Variants in TSPAN6 observed in about 807,000 individuals in gnomAD.
The protein encoded by TSPAN6 is tetraspanin-6.
Under a neutral mutation model 18.0 loss-of-function variants are expected in TSPAN6, and 13 were observed. The ratio of observed to expected loss-of-function variants is 0.72; its 90% CI spans 0.47 to 1.15. The LOEUF is 1.15. TSPAN6 is among the 50% of genes most tolerant of loss of function. The probability of loss-of-function intolerance (pLI) is 0.00; values close to 1 mark genes in which losing one functional copy is unlikely to be tolerated. For synonymous variants in TSPAN6, 82 were observed against 67.0 expected (o/e 1.22, Z -1.09); for missense variants, 186 against 183.9 (o/e 1.01, Z -0.07).
At position 100,633,940 on chromosome X, in the gene TSPAN6, G is replaced by A. The variant is rs1196071280; in HGVS notation, c.441C>T (p.Ile147=). 1 of 1,194,084 alleles carries A rather than the reference G, an allele frequency of 8.4e-7. No homozygotes were observed. The highest frequency in any genetic ancestry group is 2.2e-5 in the Admixed American group (1 of 45,409). The change falls in exon 4 of 8, where the codon ATC becomes ATT. Residue 147 remains isoleucine (I), a synonymous_variant. Coordinates refer to ENST00000373020, the MANE Select transcript of TSPAN6 (RefSeq NM_003270.4). The stretch of plus-strand genomic sequence containing the variant: ...GGTGGTTACCACTTACCGTATTTTG[G>A]ATCTTGTCTACTGCATGGCTTCTAT... The part of the protein sequence containing the change: ...GDYRSHAVDK[I]QNTLHCCGVT...
At chrX:100,633,297 C>G (rs761215689) in intron 5 of TSPAN6, 108 bp downstream of exon 5, 6 of 804,663 alleles carry the variant, frequency 7.5e-6, no homozygotes, top group African/African-American at 2.1e-5. Flanking sequence ...CCAGCCTGGG[C>G]GACAGAGCAA....
Position 100,633,446 on chromosome X carries a change from C to T in TSPAN6, c.544G>A (p.Asp182Asn), listed in dbSNP as rs2083073759. 8.3e-7 allele frequency: 1 copy of T among 1,207,698 alleles called. No homozygotes were observed. Among genetic ancestry groups the T allele is most frequent in the Admixed American group, 2.2e-5 (1 of 45,658 alleles). The change falls in exon 5 of 8, where the codon GAT becomes AAT. Residue 182 changes from aspartate to asparagine, a missense_variant. Physicochemically the swap from Asp to Asn is conservative, Grantham distance 23. Transcript: ENST00000373020. The part of the protein sequence containing the change: ...GFPKSCCKLE[D>N]CTPQRDADKV... The stretch of plus-strand genomic sequence containing the variant: ...TCTGCATCTCTCTGTGGAGTACAAT[C>T]TTCAAGTTTACAGCAACTCTTAGGA...
chrX:100,633,980 T>A lies in TSPAN6; in HGVS notation c.401A>T (p.Asn134Ile). The change falls in exon 4 of 8, where the codon AAC (asparagine) becomes ATC (isoleucine). Residue 134 changes from asparagine to isoleucine, a missense_variant. Coordinates refer to ENST00000373020, the MANE Select transcript of TSPAN6 (RefSeq NM_003270.4). Reference protein sequence around the residue: ...NNYEKALKQYNSTGDYRSHAV... With the variant: ...NNYEKALKQYISTGDYRSHAV... ...ATGGCTTCTATAATCTCCTGTAGAG[T>A]TATACTGCTTCAAAGCCTTCTCATA... 1 of 1,204,747 alleles carries A rather than the reference T, an allele frequency of 8.3e-7. No individual in the cohort carries two copies. Among genetic ancestry groups the A allele is most frequent in the Non-Finnish European group, 1.1e-6 (1 of 891,089 alleles).
chrX:100,627,333 G>T lies in TSPAN6; in HGVS notation c.*2693C>A, dbSNP rs955642840. Reference sequence around the variant, plus strand: ...TCAAAAATGAATTATTTTAAACATAGATATATAGTGAAGTAAAATGTAAAA... The same window carrying T: ...TCAAAAATGAATTATTTTAAACATATATATATAGTGAAGTAAAATGTAAAA... On this transcript the variant is annotated 3_prime_UTR_variant, in exon 8 of 8. Transcript: ENST00000373020. 1.8e-5 allele frequency: 2 copies of T among 111,771 alleles called. No homozygotes were observed. Among genetic ancestry groups the T allele is most frequent in the Non-Finnish European group, 3.8e-5 (2 of 53,191 alleles). 9.2% of individuals were successfully genotyped at this position (111,771 alleles called of 1,213,427 possible).
In TSPAN6 at chrX:100,630,680, C is replaced by A; in HGVS notation, c.*39+79G>T. The A allele has an allele frequency of 1.2e-5, 9 of 726,596 alleles. 1 individual carries two copies. In the South Asian group the frequency reaches 2.6e-4, roughly 21 times the overall value. 59.9% of individuals were successfully genotyped at this position (726,596 alleles called of 1,213,427 possible). A position where few individuals can be genotyped will look rare whatever the true frequency, so the allele number is the denominator to read the frequency against. ...ATATTACTAGACAAGACGTTCTTGG[C>A]AAACTTAGTCCATGCATCACATACA... is the stretch of plus-strand genomic sequence containing the variant. On this transcript the variant is annotated intron_variant, in intron 7 of 7. Coordinates refer to ENST00000373020, the MANE Select transcript of TSPAN6 (RefSeq NM_003270.4).
rs1287748714 is a variant in TSPAN6, at chrX:100,628,071, C to A, written c.*1955G>T. On this transcript the variant is annotated 3_prime_UTR_variant, in exon 8 of 8. Coordinates refer to ENST00000373020, the MANE Select transcript of TSPAN6 (RefSeq NM_003270.4). Reference sequence around the variant, plus strand: ...AGGTGATCCGCCCGCCTCAGCCTCTCAAAGTGCTGGGATTACAGATGTGAG... The same window carrying A: ...AGGTGATCCGCCCGCCTCAGCCTCTAAAAGTGCTGGGATTACAGATGTGAG... 9.0e-6 allele frequency: 1 copy of A among 111,535 alleles called. No individual in the cohort carries two copies. The highest frequency in any genetic ancestry group is 9.5e-5 in the Admixed American group (1 of 10,491). 9.2% of individuals were successfully genotyped at this position (111,535 alleles called of 1,213,427 possible). A position where few individuals can be genotyped will look rare whatever the true frequency, so the allele number is the denominator to read the frequency against.
rs1556008441 is a variant in TSPAN6, at chrX:100,635,617, G to T, written c.217C>A (p.Leu73Ile). 1.7e-6 allele frequency: 2 copies of T among 1,202,382 alleles called. No homozygotes were observed. The highest frequency in any genetic ancestry group is 3.7e-5 in the South Asian group (2 of 54,683). ...VLIATGTVIILLGTFGCFATC... is the reference protein window; with the variant it reads ...VLIATGTVIIILGTFGCFATC... ...GCAAAACAACCAAAGGTGCCCAAAA[G>T]AATAATGACGGTACCAGTAGCAATG... The change falls in exon 2 of 8, where the codon CTT becomes ATT. Residue 73 changes from leucine (L) to isoleucine (I), a missense_variant. Physicochemically the swap from Leu to Ile is conservative, Grantham distance 5. Transcript: ENST00000373020.
Position 100,628,753 on chromosome X carries a change from T to G in TSPAN6, c.*1273A>C, listed in dbSNP as rs952161907. On this transcript the variant is annotated 3_prime_UTR_variant, in exon 8 of 8. Transcript: ENST00000373020. ...GAACAGTTTTTTTTAATATTTGCAC[T>G]TTAAGATTTTTTTGTTTACATTAAG... 2 of 112,242 alleles carry G rather than the reference T, an allele frequency of 1.8e-5. No homozygotes were observed. The highest frequency in any genetic ancestry group is 6.5e-5 in the African/African-American group (2 of 30,938). 9.3% of individuals were successfully genotyped at this position (112,242 alleles called of 1,213,427 possible).
chrX:100,632,917 C>T (rs1473474818), intron 5 of TSPAN6, among the ~76,000 whole-genome samples: 6 of 87,180 alleles, frequency 6.9e-5, no homozygotes, highest in African/African-American at 2.7e-4. Context: ...CAGAGAGAGA[C>T]ACTGTCTTTA....
In TSPAN6 at chrX:100,629,532, A is replaced by G. The variant is rs1397151037; in HGVS notation, c.*494T>C. The G allele has an allele frequency of 8.9e-6, 1 of 112,312 alleles. No homozygotes were observed. Among genetic ancestry groups the G allele is most frequent in the Non-Finnish European group, 1.9e-5 (1 of 53,262 alleles). 9.3% of individuals were successfully genotyped at this position (112,312 alleles called of 1,213,427 possible). On this transcript the variant is annotated 3_prime_UTR_variant, in exon 8 of 8. Coordinates refer to ENST00000373020, the MANE Select transcript of TSPAN6 (RefSeq NM_003270.4). ...TCAAACCAGATAACCTTGACTGGGA[A>G]GGAGCCAGTTCAGAGGGGTGAATTT...
At chrX:100,632,432 G>T in intron 6 of TSPAN6, 53 bp downstream of exon 6, 1 of 962,166 alleles carries the variant, frequency 1.0e-6, no homozygotes, top group Non-Finnish European at 1.5e-6. Context: ...AAATCTTCTA[G>T]CTTACACCTA....
rs1214372705 is a variant in TSPAN6, at chrX:100,629,970, G to C, written c.*56C>G. ...AGCCAAGCAACTTTCTAATTCACAG[G>C]GGGGACCCTAAATGTCCTAAAATTA... On this transcript the variant is annotated 3_prime_UTR_variant, in exon 8 of 8. Transcript: ENST00000373020. 3 of 751,605 alleles carry C rather than the reference G, an allele frequency of 4.0e-6. No individual in the cohort carries two copies. The highest frequency in any genetic ancestry group is 1.5e-4 in the East Asian group (1 of 6,594). The allele number at this position is 751,605 out of a possible 1,213,427, so 61.9% of individuals were successfully genotyped here. A position where few individuals can be genotyped will look rare whatever the true frequency, so the allele number is the denominator to read the frequency against.
chrX:100,627,406 C>T lies in TSPAN6; in HGVS notation c.*2620G>A, dbSNP rs754844922. On this transcript the variant is annotated 3_prime_UTR_variant, in exon 8 of 8. Coordinates refer to ENST00000373020, the MANE Select transcript of TSPAN6 (RefSeq NM_003270.4). ...AAACTTAAAAGCTCAAAACCCCCAG[C>T]CTGTGCCACTAAGGGAAACTCACTC... 1 of 111,991 alleles carries T rather than the reference C, an allele frequency of 8.9e-6. No homozygotes were observed. Among genetic ancestry groups the T allele is most frequent in the South Asian group, 3.8e-4 (1 of 2,642 alleles). The allele number at this position is 111,991 out of a possible 1,213,427, so 9.2% of individuals were successfully genotyped here. A position where few individuals can be genotyped will look rare whatever the true frequency, so the allele number is the denominator to read the frequency against.
rs768381805 is a variant in TSPAN6 at position 100,636,671 on chromosome X, CAG to C, written c.22_23del (p.Leu8AlafsTer3). On this transcript the variant is annotated frameshift_variant, in exon 1 of 8. Transcript: ENST00000373020. LOFTEE classifies it high-confidence loss of function. ...AACAAGTAATGACTGGTTTAGTCTG[CAG>C]TCTCCGAGACGGGGACGCCATGACT... MASPSRRLQTKPVITCFK... is the reference protein window; with the variant it reads MASPSRRXQTKPVITCFK... 1.5e-5 allele frequency: 18 copies of C among 1,203,312 alleles called. No individual in the cohort carries two copies. The highest frequency in any genetic ancestry group is 2.2e-5 in the Admixed American group (1 of 45,267).
At chrX:100,633,573 A>G (rs369895055) in intron 4 of TSPAN6, 34 bp from the exon 5 acceptor site, 38 of 1,156,954 alleles carry the variant, frequency 3.3e-5, no homozygotes, top group African/African-American at 7.3e-5. Flanking sequence ...TACAGTTTAT[A>G]TTACAACTTT....
At chrX:100,636,550 C>T in intron 1 of TSPAN6, 58 bp downstream of exon 1, 4 of 1,145,363 alleles carry the variant, frequency 3.5e-6, no homozygotes, top group Admixed American at 2.7e-5. Context: ...CAGGGTCACA[C>T]CCCCCACAAC....
In TSPAN6 at chrX:100,635,500, A is replaced by G. The variant is rs186385929; in HGVS notation, c.276+58T>C. On this transcript the variant is annotated intron_variant, in intron 2 of 7. Coordinates refer to ENST00000373020, the MANE Select transcript of TSPAN6 (RefSeq NM_003270.4). ...TGGCCAGTTCCAACAAAGGAATTCT[A>G]TAACATACAAAACTTTTCTAAAACC... 7 of 1,040,076 alleles carry G rather than the reference A, an allele frequency of 6.7e-6. No homozygotes were observed. In the East Asian group the frequency reaches 1.6e-4, roughly 23 times the overall value. 85.7% of individuals were successfully genotyped at this position (1,040,076 alleles called of 1,213,427 possible).
In TSPAN6 at chrX:100,635,262, A is replaced by T; in HGVS notation, c.277-10T>A. 2 of 1,162,451 alleles carry T rather than the reference A, an allele frequency of 1.7e-6. No individual in the cohort carries two copies. The highest frequency in any genetic ancestry group is 2.3e-6 in the Non-Finnish European group (2 of 857,744). On this transcript the variant is annotated splice_polypyrimidine_tract_variant and intron_variant, in intron 2 of 7. Coordinates refer to ENST00000373020, the MANE Select transcript of TSPAN6 (RefSeq NM_003270.4). ...TCAGAAACATTGCATACTGCAGGAT[A>T]AGAAAGAAAGTCCAAGTCAGCATAA...
Position 100,636,660 on chromosome X carries a change from G to A in TSPAN6, c.35C>T (p.Pro12Leu), listed in dbSNP as rs1569354628. The change falls in exon 1 of 8, where the codon CCA becomes CTA. Residue 12 changes from proline to leucine, a missense_variant. Coordinates refer to ENST00000373020, the MANE Select transcript of TSPAN6 (RefSeq NM_003270.4). ...ASPSRRLQTK[P>L]VITCFKSVLL... ...AACGCTCTTGAAACAAGTAATGACT[G>A]GTTTAGTCTGCAGTCTCCGAGACGG... 2 of 1,206,085 alleles carry A rather than the reference G, an allele frequency of 1.7e-6. No homozygotes were observed. The highest frequency in any genetic ancestry group is 2.2e-5 in the Admixed American group (1 of 45,604).
Sources: gnomAD v4.1 joint callset for allele counts (sites outside exome capture counted in the v4.1 genomes callset) on GRCh38, gnomAD v4.1.1 for gene constraint, MANE v1.5 for transcripts, NCBI Gene and HGNC (gene_info 2026-07-23, HGNC 2026-07-21) for gene names.